Variants in UBAP2 observed in about 807,000 individuals in gnomAD.
UBAP2 encodes the protein ubiquitin-associated protein 2.
A neutral mutation model predicts 139.6 loss-of-function variants in UBAP2; 75 were observed. The observed-to-expected ratio is 0.54, with a 90% confidence interval of 0.45 to 0.65. The LOEUF (loss-of-function observed/expected upper bound fraction) is 0.65, where lower values mean the gene tolerates loss of function less well. Ranked by LOEUF, UBAP2 falls within the 30% of genes least tolerant of loss-of-function variation. The probability of loss-of-function intolerance (pLI) is 0.00; values close to 1 mark genes in which losing one functional copy is unlikely to be tolerated. For missense variants in UBAP2, 1,368 were observed against 1,369.6 expected (o/e 1.00, Z 0.02); for synonymous variants, 526 against 526.2 (o/e 1.00, Z 0.01).
intron 11 of UBAP2, among the ~76,000 whole-genome samples, chr9:33,954,267 T>TACACACACACAC (rs368965909): frequency 0.12 from 11,988 of 101,418 alleles, 591 homozygotes; most frequent in Middle Eastern, 0.18. Context: ...AGTGTGTGTA[T>TACACACACACAC]ATACACACAC....
rs769478393 is a variant in UBAP2, at chr9:33,940,026, G to GGAGGGAGAGGGAAGA, written c.1929+1608_1929+1622dup. Among the ~76,000 whole-genome samples the GGAGGGAGAGGGAAGA allele has an allele frequency of 7.9e-3, 1,150 of 145,876 alleles. 10 individuals carry two copies. Among genetic ancestry groups the GGAGGGAGAGGGAAGA allele is most frequent in the Non-Finnish European group, 9.3e-3 (613 of 66,066 alleles). On this transcript the variant is annotated intron_variant, in intron 16 of 28. Transcript: ENST00000379238. ...AGGGGAAAGAGGAGGGGGAGGGAGA[G>GGAGGGAGAGGGAAGA]GAGGGAGAGGGAAGAGAGGGAGAGG... is the stretch of plus-strand genomic sequence containing the variant.
chr9:34,048,069 T>C (rs1011823085), intron 1 of UBAP2, among the ~76,000 whole-genome samples: 5 of 148,284 alleles, frequency 3.4e-5, no homozygotes, highest in African/African-American at 1.2e-4. Context: ...GGCAACTAAT[T>C]AGACTAAAAA....
At chr9:34,043,444 G>C (rs1205161738) in intron 1 of UBAP2, among the ~76,000 whole-genome samples, 1 of 152,246 alleles carries the variant, frequency 6.6e-6, no homozygotes. Context: ...TGGGATTACA[G>C]GCATGAGCCA....
intron 1 of UBAP2, among the ~76,000 whole-genome samples, chr9:34,034,870 C>A (rs1826192627): frequency 2.8e-5 from 1 of 35,446 alleles, no homozygotes; most frequent in East Asian, 9.8e-4. Flanking sequence ...GACTCAATCT[C>A]AAAACAAACA....
At chr9:33,938,950 GA>G (rs1373155812) in intron 16 of UBAP2, 2 of 447,962 alleles carry the variant, frequency 4.5e-6, no homozygotes, top group Non-Finnish European at 8.9e-6. Flanking sequence ...CCAGGCTGTG[GA>G]AGGGGAAGAG....
chr9:33,930,259 C>G (rs1251213193), intron 19 of UBAP2, among the ~76,000 whole-genome samples: 1 of 152,154 alleles, frequency 6.6e-6, no homozygotes, highest in Non-Finnish European at 1.5e-5. Flanking sequence ...GCGGGGCAAT[C>G]TGCAAATGTG....
chr9:34,015,887 C>T (rs1824208236), intron 2 of UBAP2, among the ~76,000 whole-genome samples: 1 of 151,922 alleles, frequency 6.6e-6, no homozygotes, highest in Non-Finnish European at 1.5e-5. Flanking sequence ...CCAGCCTGCT[C>T]TTAATTCCTG....
chr9:33,926,541 G>C, intron 22 of UBAP2, 76 bp downstream of exon 22: 2 of 1,525,142 alleles, frequency 1.3e-6, no homozygotes, highest in Non-Finnish European at 1.8e-6. Flanking sequence ...AGAGAGTGTG[G>C]CAGCCAAGAC....
chr9:33,986,328 C>CA (rs1341936662), intron 6 of UBAP2, among the ~76,000 whole-genome samples: 3 of 152,084 alleles, frequency 2.0e-5, no homozygotes, highest in Non-Finnish European at 4.4e-5. Context: ...GACTACTTAA[C>CA]AATTACGTAT....
intron 12 of UBAP2, among the ~76,000 whole-genome samples, chr9:33,950,957 G>A (rs1479166438): frequency 1.3e-5 from 2 of 152,202 alleles, no homozygotes; most frequent in African/African-American, 4.8e-5. Flanking sequence ...TCCCAAAGAT[G>A]AGGACATGTT....
At position 34,004,598 on chromosome 9, in the gene UBAP2, C is replaced by T. The variant is rs1432653690; in HGVS notation, c.100-5734G>A. Among the ~76,000 whole-genome samples the T allele has an allele frequency of 4.6e-5, 7 of 151,314 alleles. No homozygotes were observed. In the East Asian group the frequency reaches 5.9e-4, roughly 13 times the overall value. On this transcript the variant is annotated intron_variant, in intron 2 of 28. Transcript: ENST00000379238. ...GAGATCGAGACCATCCTGGCTAACA[C>T]GGTGAAACCCCGTCTCTACTAAAAA... is the stretch of plus-strand genomic sequence containing the variant.
At chr9:33,967,656 T>C (rs1827574659) in intron 8 of UBAP2, among the ~76,000 whole-genome samples, 1 of 152,260 alleles carries the variant, frequency 6.6e-6, no homozygotes, top group Non-Finnish European at 1.5e-5. Context: ...ATCAGCCATC[T>C]AGAATTCTCA....
At chr9:33,989,431 G>C (rs1821507980) in intron 4 of UBAP2, among the ~76,000 whole-genome samples, 1 of 152,122 alleles carries the variant, frequency 6.6e-6, no homozygotes, top group Admixed American at 6.5e-5. Flanking sequence ...TCGATCTCCT[G>C]ACCTCGTGAT....
rs371605403 is a variant in UBAP2 at position 33,988,980 on chromosome 9, G to A, written c.435C>T (p.Gly145=). Residue 145 remains glycine (G), a synonymous_variant, in exon 5 of 29, where the codon GGC becomes GGT. Coordinates refer to ENST00000379238, the MANE Select transcript of UBAP2 (RefSeq NM_001370062.2). ...GAGAAAGTCTGTACTTACATTCTCT[G>A]CCACGATTGCCGCCTCTTCCTTTCC... is the stretch of plus-strand genomic sequence containing the variant. ...NNRKGRGGNR[G]REFRGEENGI... is the part of the protein sequence containing the mutation. 2.0e-5 allele frequency: 32 copies of A among 1,611,728 alleles called. No homozygotes were observed. Among genetic ancestry groups the A allele is most frequent in the Non-Finnish European group, 2.6e-5 (31 of 1,179,316 alleles).
chr9:33,935,133 C>A (rs992053170), intron 17 of UBAP2, among the ~76,000 whole-genome samples: 1 of 132,788 alleles, frequency 7.5e-6, no homozygotes, highest in South Asian at 2.4e-4. Flanking sequence ...CCTGCACTAT[C>A]TTTGGTAATC....
At chr9:34,034,402 T>C (rs1413394338) in intron 1 of UBAP2, among the ~76,000 whole-genome samples, 2 of 152,216 alleles carry the variant, frequency 1.3e-5, no homozygotes, top group Non-Finnish European at 2.9e-5. Flanking sequence ...AAAGCAACTT[T>C]CTTAAAAATG....
At chr9:34,000,112 C>A (rs1311790084) in intron 2 of UBAP2, among the ~76,000 whole-genome samples, 1 of 151,744 alleles carries the variant, frequency 6.6e-6, no homozygotes, top group African/African-American at 2.4e-5. Flanking sequence ...TGCACCCAGC[C>A]GTATTTATTT....
At chr9:33,943,877 G>GACA (rs1039121865) in intron 14 of UBAP2, among the ~76,000 whole-genome samples, 1 of 151,978 alleles carries the variant, frequency 6.6e-6, no homozygotes, top group African/African-American at 2.4e-5. Flanking sequence ...GACCAGCCTG[G>GACA]ACAACACGGC....
chr9:34,018,683 G>A (rs1824618998), intron 1 of UBAP2, among the ~76,000 whole-genome samples: 1 of 152,036 alleles, frequency 6.6e-6, no homozygotes, highest in Admixed American at 6.6e-5. Context: ...CTAACACGGT[G>A]AAACCCCGTC....
Sources: allele counts gnomAD v4.1 joint callset (sites outside exome capture counted in the v4.1 genomes callset), GRCh38; gene constraint gnomAD v4.1.1; transcripts MANE v1.5; gene names NCBI Gene and HGNC (gene_info 2026-07-23, HGNC 2026-07-21).